Variants in SGCZ observed in about 807,000 individuals in gnomAD.
The protein encoded by SGCZ is zeta-sarcoglycan.
SGCZ carries 40 observed loss-of-function variants against 41.3 expected under a neutral mutation model. The ratio of observed to expected loss-of-function variants is 0.97; its 90% CI spans 0.75 to 1.26. The LOEUF (loss-of-function observed/expected upper bound fraction) is 1.26. SGCZ is among the 50% of genes most tolerant of loss of function. The pLI is 0.00. For synonymous variants in SGCZ, 206 were observed against 137.5 expected, an observed-to-expected ratio of 1.50 and a Z score of -3.49; for missense variants, 552 against 369.8, an observed-to-expected ratio of 1.49 and a Z score of -4.04.
At chr8:14,362,373 T>C (rs1222820057) in intron 2 of SGCZ, among the ~76,000 whole-genome samples, 2 of 152,162 alleles carry the variant, frequency 1.3e-5, no homozygotes, top group Non-Finnish European at 2.9e-5. Context: ...ACTGTGAGCA[T>C]AGAACTGCCT....
At chr8:14,226,068 G>T (rs1208722207) in intron 4 of SGCZ, among the ~76,000 whole-genome samples, 1 of 151,880 alleles carries the variant, frequency 6.6e-6, no homozygotes, top group South Asian at 2.1e-4. Context: ...TATTTGGGGG[G>T]CTACCATGTG....
chr8:14,711,598 T>TAA (rs200467876), intron 1 of SGCZ, among the ~76,000 whole-genome samples: 864 of 80,218 alleles, frequency 0.011, 15 homozygotes, highest in Middle Eastern at 0.02. Flanking sequence ...TGAGACTCTG[T>TAA]AAAAAAAAAA....
intron 1 of SGCZ, among the ~76,000 whole-genome samples, chr8:14,996,467 T>A (rs902499882): frequency 1.1e-4 from 17 of 152,174 alleles, no homozygotes; most frequent in Admixed American, 2.0e-4. Flanking sequence ...AATGGTGCAA[T>A]CACAGCTTAC....
chr8:14,240,974 T>C (rs941890986), intron 3 of SGCZ, among the ~76,000 whole-genome samples: 1 of 152,220 alleles, frequency 6.6e-6, no homozygotes, highest in Non-Finnish European at 1.5e-5. Flanking sequence ...CTCAAATATA[T>C]GTTTAGGTTA....
chr8:15,012,587 T>TATAAATATATATTTATATAAC (rs1403011473), intron 1 of SGCZ, among the ~76,000 whole-genome samples: 13 of 52,012 alleles, frequency 2.5e-4, no homozygotes, highest in South Asian at 6.9e-4. Flanking sequence ...TTATATAACA[T>TATAAATATATATTTATATAAC]ATAAATATAT....
At chr8:14,402,325 G>T (rs1799100720) in intron 2 of SGCZ, among the ~76,000 whole-genome samples, 1 of 151,500 alleles carries the variant, frequency 6.6e-6, no homozygotes, top group Admixed American at 6.6e-5. Context: ...GTCTTTTGTT[G>T]CCATTGCTTT....
chr8:14,908,211 C>A (rs1799175024), intron 1 of SGCZ, among the ~76,000 whole-genome samples: 2 of 152,104 alleles, frequency 1.3e-5, no homozygotes, highest in African/African-American at 4.8e-5. Context: ...TGGCAAATTT[C>A]TCTAAATCAT....
rs572737862 is a variant in SGCZ at position 14,422,520 on chromosome 8, T to C, written c.235-98316A>G. Among the ~76,000 whole-genome samples, 12 of 152,286 alleles carry C rather than the reference T, an allele frequency of 7.9e-5. No individual in the cohort carries two copies. In the East Asian group the frequency reaches 2.3e-3, roughly 29 times the overall value. ...GTGCCACAGACCCCTCACACACTCATTGGTGAAATTCTGTAATTGGAAACT... is the reference window on the plus strand; with the variant it reads ...GTGCCACAGACCCCTCACACACTCACTGGTGAAATTCTGTAATTGGAAACT... On this transcript the variant is annotated intron_variant, in intron 2 of 7. Coordinates refer to ENST00000382080, the MANE Select transcript of SGCZ (RefSeq NM_139167.4).
intron 1 of SGCZ, among the ~76,000 whole-genome samples, chr8:14,695,609 G>C (rs1031847059): frequency 6.6e-6 from 1 of 151,954 alleles, no homozygotes; most frequent in South Asian, 2.1e-4. Flanking sequence ...CATGGCTAGA[G>C]AGTTTGATTA....
chr8:15,015,868 C>A (rs972401581), intron 1 of SGCZ, among the ~76,000 whole-genome samples: 4 of 150,066 alleles, frequency 2.7e-5, no homozygotes, highest in Admixed American at 6.7e-5. Flanking sequence ...TTATTGATTG[C>A]CTTTTTCATG....
At chr8:14,601,635 A>G (rs2117313713) in intron 1 of SGCZ, among the ~76,000 whole-genome samples, 1 of 152,264 alleles carries the variant, frequency 6.6e-6, no homozygotes, top group East Asian at 1.9e-4. Context: ...TCTGTACACA[A>G]TCCTCACTGG....
chr8:14,253,525 A>G (rs1408079359), intron 3 of SGCZ, among the ~76,000 whole-genome samples: 1 of 152,074 alleles, frequency 6.6e-6, no homozygotes, highest in Admixed American at 6.6e-5. Flanking sequence ...TTGACTTAAC[A>G]GAAAATCACT....
At chr8:15,187,744 T>C (rs1286604877) in intron 1 of SGCZ, among the ~76,000 whole-genome samples, 1 of 152,072 alleles carries the variant, frequency 6.6e-6, no homozygotes, top group African/African-American at 2.4e-5. Context: ...GCCATAAGGT[T>C]TTTTAAAAAA....
intron 1 of SGCZ, among the ~76,000 whole-genome samples, chr8:14,635,246 C>G (rs1018478070): frequency 1.3e-5 from 2 of 151,832 alleles, no homozygotes; most frequent in Non-Finnish European, 2.9e-5. Context: ...AAATGTATCT[C>G]CATTTCCATT....
At chr8:14,923,348 C>G (rs1252530007) in intron 1 of SGCZ, among the ~76,000 whole-genome samples, 3 of 152,102 alleles carry the variant, frequency 2.0e-5, no homozygotes, top group Non-Finnish European at 4.4e-5. Context: ...TAAAAATACA[C>G]AAATTTACCT....
At chr8:15,206,934 C>G (rs9918793) in intron 1 of SGCZ, among the ~76,000 whole-genome samples, 7 of 151,986 alleles carry the variant, frequency 4.6e-5, no homozygotes, top group Non-Finnish European at 8.8e-5. Flanking sequence ...TTTGCTGTAA[C>G]AAGACAAATA....
At chr8:14,403,896 G>A (rs1175327202) in intron 2 of SGCZ, among the ~76,000 whole-genome samples, 1 of 152,094 alleles carries the variant, frequency 6.6e-6, no homozygotes, top group African/African-American at 2.4e-5. Flanking sequence ...ATCAGTCATA[G>A]ACAAGAAAGT....
At chr8:14,966,634 A>G (rs572059083) in intron 1 of SGCZ, among the ~76,000 whole-genome samples, 1 of 152,258 alleles carries the variant, frequency 6.6e-6, no homozygotes, top group South Asian at 2.1e-4. Flanking sequence ...TAATATTAAT[A>G]CTGTTTTCCT....
At chr8:14,137,349 G>A (rs1727164110) in intron 5 of SGCZ, among the ~76,000 whole-genome samples, 1 of 152,216 alleles carries the variant, frequency 6.6e-6, no homozygotes, top group African/African-American at 2.4e-5. Context: ...GACAGAAGTA[G>A]GCTTCAGAAG....
Sources: allele counts gnomAD v4.1 joint callset (sites outside exome capture counted in the v4.1 genomes callset), GRCh38; gene constraint gnomAD v4.1.1; transcripts MANE v1.5; gene names NCBI Gene and HGNC (gene_info 2026-07-23, HGNC 2026-07-21).